Variants in DLGAP2 observed in about 807,000 individuals in gnomAD.
The protein encoded by DLGAP2 is disks large-associated protein 2.
In DLGAP2, 26 loss-of-function variants were observed where a neutral mutation model predicts 100.3. The ratio of observed to expected loss-of-function variants is 0.26; its 90% CI spans 0.19 to 0.36. DLGAP2 has a LOEUF of 0.36. Among genes scored for constraint, DLGAP2 ranks in the 10% least tolerant of loss-of-function variants. The probability of loss-of-function intolerance (pLI) is 1.00; values close to 1 mark genes in which losing one functional copy is unlikely to be tolerated. For missense variants in DLGAP2, 1,858 were observed against 1,453.2 expected (o/e 1.28, Z -4.53); for synonymous variants, 886 against 630.1 (o/e 1.41, Z -6.08).
intron 3 of DLGAP2, among the ~76,000 whole-genome samples, chr8:1,465,122 G>C (rs979951168): frequency 2.0e-5 from 3 of 152,338 alleles, no homozygotes; most frequent in Non-Finnish European, 4.4e-5. Context: ...AGGTCCCACA[G>C]GGGGAGGGCT....
chr8:996,189 C>G (rs1235821186), intron 2 of DLGAP2, among the ~76,000 whole-genome samples: 1 of 152,220 alleles, frequency 6.6e-6, no homozygotes, highest in Non-Finnish European at 1.5e-5. Flanking sequence ...AAGGCAGGAA[C>G]TCTCTGGCTA....
chr8:830,422 A>G (rs1019812568), intron 1 of DLGAP2, among the ~76,000 whole-genome samples: 11 of 152,112 alleles, frequency 7.2e-5, no homozygotes, highest in Non-Finnish European at 1.2e-4. Context: ...TTTTGGACCC[A>G]CTAACCATCC....
intron 1 of DLGAP2, among the ~76,000 whole-genome samples, chr8:873,232 G>A (rs899484164): frequency 5.9e-5 from 9 of 152,178 alleles, no homozygotes; most frequent in Non-Finnish European, 1.3e-4. Context: ...ATAATTTTTA[G>A]TGAATGTTTT....
intron 1 of DLGAP2, among the ~76,000 whole-genome samples, chr8:781,820 A>G (rs1821694892): frequency 6.6e-6 from 1 of 152,224 alleles, no homozygotes; most frequent in Non-Finnish European, 1.5e-5. Flanking sequence ...TTTTGCAACA[A>G]CAATTATATA....
intron 2 of DLGAP2, among the ~76,000 whole-genome samples, chr8:975,283 A>G (rs1266990035): frequency 1.3e-5 from 2 of 152,208 alleles, no homozygotes; most frequent in South Asian, 2.1e-4. Context: ...CCAAGCCCGC[A>G]TGGGTTCATT....
At chr8:1,004,020 A>G (rs375962819) in intron 2 of DLGAP2, among the ~76,000 whole-genome samples, 1 of 152,000 alleles carries the variant, frequency 6.6e-6, no homozygotes, top group South Asian at 2.1e-4. Context: ...TATTCTCTTG[A>G]TGTTGCCTGG....
intron 3 of DLGAP2, among the ~76,000 whole-genome samples, chr8:1,428,166 CTAGT>C (rs1015723384): frequency 7.3e-4 from 111 of 151,272 alleles, no homozygotes; most frequent in African/African-American, 2.3e-3. Flanking sequence ...AAACAAAATG[CTAGT>C]TAGTTAAAAA....
intron 3 of DLGAP2, among the ~76,000 whole-genome samples, chr8:1,413,781 G>C (rs10093901): frequency 0.36 from 55,426 of 152,158 alleles, 10,701 homozygotes; most frequent in East Asian, 0.6. Flanking sequence ...GATTGTGCAG[G>C]TCTCACAAAG....
chr8:1,488,638 G>A (rs764359784), intron 3 of DLGAP2, among the ~76,000 whole-genome samples: 60 of 152,218 alleles, frequency 3.9e-4, no homozygotes, highest in Non-Finnish European at 4.9e-4. Flanking sequence ...TTTGGAGCCA[G>A]AGAGAAATTG....
intron 3 of DLGAP2, among the ~76,000 whole-genome samples, chr8:1,422,833 G>T (rs899798412): frequency 2.0e-5 from 3 of 152,172 alleles, no homozygotes; most frequent in Non-Finnish European, 4.4e-5. Context: ...TCAAATGTGA[G>T]AGCTGCTCAG....
chr8:1,410,049 G>C (rs978768963), intron 3 of DLGAP2, among the ~76,000 whole-genome samples: 3 of 152,164 alleles, frequency 2.0e-5, no homozygotes, highest in African/African-American at 7.2e-5. Flanking sequence ...GTAGACCTTT[G>C]GCTAACTGAG....
intron 8 of DLGAP2, among the ~76,000 whole-genome samples, chr8:1,656,233 C>G (rs1798281618): frequency 6.6e-6 from 1 of 152,004 alleles, no homozygotes. Flanking sequence ...TTGCTTGAAC[C>G]CGGGAGGCGG....
Position 783,088 on chromosome 8 carries a change from A to G in DLGAP2, c.18+45263A>G, listed in dbSNP as rs150481162. 3.9e-3 allele frequency among the ~76,000 whole-genome samples: 594 copies of G among 152,366 alleles called. 4 individuals carry two copies. The highest frequency in any genetic ancestry group is 0.013 in the African/African-American group (560 of 41,580). On this transcript the variant is annotated intron_variant, in intron 1 of 14. Transcript: ENST00000637795. Reference sequence around the variant, plus strand: ...ACAAAGATTCTGCCTTTTCTAGGACATCATCTCACAATGACAGATAATGTG... The same window carrying G: ...ACAAAGATTCTGCCTTTTCTAGGACGTCATCTCACAATGACAGATAATGTG...
intron 2 of DLGAP2, among the ~76,000 whole-genome samples, chr8:1,139,380 G>A (rs186082036): frequency 1.1e-4 from 17 of 152,352 alleles, no homozygotes; most frequent in African/African-American, 4.1e-4. Flanking sequence ...TCACAGTTCT[G>A]CAGGCTGCAA....
At chr8:1,645,281 CA>C (rs2130801401) in intron 8 of DLGAP2, among the ~76,000 whole-genome samples, 1 of 152,352 alleles carries the variant, frequency 6.6e-6, no homozygotes, top group East Asian at 1.9e-4. Flanking sequence ...CCCACACAAC[CA>C]TTCTGTTTTT....
chr8:776,859 A>G (rs1047990193), intron 1 of DLGAP2, among the ~76,000 whole-genome samples: 6 of 152,168 alleles, frequency 3.9e-5, no homozygotes, highest in African/African-American at 9.7e-5. Flanking sequence ...GTAGATGTCT[A>G]TTAGGTCCAC....
intron 3 of DLGAP2, among the ~76,000 whole-genome samples, chr8:1,450,557 G>T (rs1240401249): frequency 1.3e-5 from 2 of 152,006 alleles, no homozygotes; most frequent in African/African-American, 4.8e-5. Context: ...TGCGGGGCTG[G>T]CAGGACTCGC....
intron 1 of DLGAP2, among the ~76,000 whole-genome samples, chr8:897,037 G>A (rs574672164): frequency 5.9e-5 from 9 of 152,240 alleles, no homozygotes; most frequent in East Asian, 3.9e-4. Flanking sequence ...AGTCAGTGGC[G>A]CAAGGGAGAA....
intron 2 of DLGAP2, among the ~76,000 whole-genome samples, chr8:1,119,702 C>T (rs1019157429): frequency 3.9e-5 from 6 of 152,176 alleles, no homozygotes; most frequent in African/African-American, 1.4e-4. Flanking sequence ...ATTTAAGTAT[C>T]CCCAGGGACT....
Sources: gnomAD v4.1 joint callset for allele counts (sites outside exome capture counted in the v4.1 genomes callset) on GRCh38, gnomAD v4.1.1 for gene constraint, MANE v1.5 for transcripts, NCBI Gene and HGNC (gene_info 2026-07-23, HGNC 2026-07-21) for gene names.